EPHB2: variants seen among roughly 807,000 people sequenced by gnomAD.
The protein encoded by EPHB2 is EPH receptor B2.
A neutral mutation model predicts 96.4 loss-of-function variants in EPHB2; 18 were observed. The ratio of observed to expected loss-of-function variants is 0.19; its 90% CI spans 0.13 to 0.28. The LOEUF is 0.28. EPHB2 is among the 10% of genes least tolerant of loss of function. EPHB2 has a pLI of 1.00. For synonymous variants in EPHB2, 506 were observed against 534.1 expected (o/e 0.95, Z 0.72); for missense variants, 989 against 1,355.4 (o/e 0.73, Z 4.25).
Position 22,914,478 on chromosome 1 carries a change from C to G in EPHB2, c.*908C>G, listed in dbSNP as rs1640212373. On this transcript the variant is annotated 3_prime_UTR_variant, in exon 16 of 16. Transcript: ENST00000374630. The stretch of plus-strand genomic sequence containing the variant: ...GGGTTTGTTTACAGCAATTCCTGGA[C>G]TCGGGGGTATTTTGGTCACAGGGTG... 6.5e-6 allele frequency: 1 copy of G among 152,720 alleles called. No homozygotes were observed. Among genetic ancestry groups the G allele is most frequent in the Admixed American group, 6.5e-5 (1 of 15,274 alleles). The allele number at this position is 152,720 out of a possible 1,614,324, so 9.5% of individuals were successfully genotyped here.
intron 3 of EPHB2, among the ~76,000 whole-genome samples, chr1:22,853,450 G>A (rs914571209): frequency 6.6e-6 from 1 of 152,260 alleles, no homozygotes; most frequent in African/African-American, 2.4e-5. Context: ...AGGAGAGGCA[G>A]ACAGTCACCA....
chr1:22,835,100 C>T (rs1020044280), intron 3 of EPHB2, among the ~76,000 whole-genome samples: 3 of 152,088 alleles, frequency 2.0e-5, no homozygotes, highest in African/African-American at 2.4e-5. Flanking sequence ...ACCTATTGGC[C>T]GGGCACAGTG....
At position 22,775,810 on chromosome 1, in the gene EPHB2, GGGCTGGTGGCCCTA is replaced by G. The variant is rs768037915; in HGVS notation, c.62-5609_62-5596del. Among the ~76,000 whole-genome samples the G allele has an allele frequency of 1.1e-4, 17 of 152,312 alleles. No individual in the cohort carries two copies. The South Asian group carries it at 1.7e-3, about 15-fold the overall frequency. ...GTTTTCACACTGAGGAAGATGCTCT[GGGCTGGTGGCCCTA>G]GTTCCAGCTTTTGCCTGGATGCTAA... On this transcript the variant is annotated intron_variant, in intron 1 of 15. Transcript: ENST00000374630.
chr1:22,743,596 C>G (rs1643930383), intron 1 of EPHB2, among the ~76,000 whole-genome samples: 1 of 152,178 alleles, frequency 6.6e-6, no homozygotes, highest in Non-Finnish European at 1.5e-5. Context: ...TCAGCCTCCC[C>G]AAGTAGCTGG....
intron 1 of EPHB2, among the ~76,000 whole-genome samples, chr1:22,724,999 C>G (rs967172767): frequency 4.6e-5 from 7 of 152,062 alleles, no homozygotes; most frequent in Admixed American, 2.6e-4. Flanking sequence ...CTGTGTGAAA[C>G]CTGCTCTGAT....
At chr1:22,717,731 G>A (rs1465253647) in intron 1 of EPHB2, among the ~76,000 whole-genome samples, 2 of 152,132 alleles carry the variant, frequency 1.3e-5, no homozygotes, top group African/African-American at 4.8e-5. Flanking sequence ...TCGTGCCCCT[G>A]GCCAGAATGA....
intron 3 of EPHB2, among the ~76,000 whole-genome samples, chr1:22,820,520 G>A (rs896261408): frequency 4.6e-5 from 7 of 152,046 alleles, no homozygotes; most frequent in African/African-American, 7.2e-5. Flanking sequence ...AAAATTAGCC[G>A]GGTGTGGTGG....
chr1:22,797,495 C>T (rs929514664), intron 3 of EPHB2, among the ~76,000 whole-genome samples: 3 of 152,130 alleles, frequency 2.0e-5, no homozygotes, highest in Non-Finnish European at 4.4e-5. Context: ...TGGAGGGCCC[C>T]AGTGCTGTGT....
chr1:22,750,601 T>C (rs571220496), intron 1 of EPHB2, among the ~76,000 whole-genome samples: 8 of 152,368 alleles, frequency 5.3e-5, no homozygotes, highest in African/African-American at 1.9e-4. Context: ...AACACCTCTC[T>C]GACAGCCCCT....
intron 1 of EPHB2, among the ~76,000 whole-genome samples, chr1:22,755,723 A>C (rs567445831): frequency 3.3e-5 from 5 of 152,356 alleles, no homozygotes; most frequent in African/African-American, 1.2e-4. Context: ...GCCTATGTCA[A>C]AGGAACATTT....
At chr1:22,849,810 C>T (rs1055655806) in intron 3 of EPHB2, among the ~76,000 whole-genome samples, 1 of 152,236 alleles carries the variant, frequency 6.6e-6, no homozygotes, top group Admixed American at 6.5e-5. Context: ...GTCACTTTCT[C>T]CACTGGCCTG....
chr1:22,866,881 C>T (rs1195126097), intron 5 of EPHB2, among the ~76,000 whole-genome samples: 1 of 152,148 alleles, frequency 6.6e-6, no homozygotes, highest in East Asian at 1.9e-4. Context: ...TTGCAGTGAG[C>T]CGAGATCATG....
intron 5 of EPHB2, among the ~76,000 whole-genome samples, chr1:22,869,404 C>G (rs1050584820): frequency 6.6e-6 from 1 of 151,940 alleles, no homozygotes; most frequent in Non-Finnish European, 1.5e-5. Context: ...AGCCTACATA[C>G]AAGATGGCAT....
chr1:22,765,356 G>A (rs1018954699), intron 1 of EPHB2, among the ~76,000 whole-genome samples: 3 of 152,018 alleles, frequency 2.0e-5, no homozygotes, highest in African/African-American at 7.2e-5. Flanking sequence ...AGACCAGCCT[G>A]GCCAACATGG....
chr1:22,765,606 A>C (rs929946837), intron 1 of EPHB2, among the ~76,000 whole-genome samples: 2 of 149,878 alleles, frequency 1.3e-5, no homozygotes, highest in African/African-American at 2.5e-5. Context: ...CCTTTGCTGG[A>C]ACCCTGGGGC....
chr1:22,845,632 T>C (rs1645530535), intron 3 of EPHB2, among the ~76,000 whole-genome samples: 1 of 152,206 alleles, frequency 6.6e-6, no homozygotes, highest in Non-Finnish European at 1.5e-5. Context: ...TCCTCATTTT[T>C]ATAAGGGCTG....
intron 3 of EPHB2, among the ~76,000 whole-genome samples, chr1:22,812,599 G>T (rs1413998426): frequency 6.6e-6 from 1 of 152,208 alleles, no homozygotes; most frequent in Non-Finnish European, 1.5e-5. Flanking sequence ...GCAGCCAGAG[G>T]GAGAGGGACG....
At position 22,895,547 on chromosome 1, in the gene EPHB2, T is replaced by C; in HGVS notation, c.1667T>C (p.Ile556Thr). The change falls in exon 8 of 16, where the codon ATT (isoleucine) becomes ACT (threonine). Residue 556 changes from isoleucine to threonine, a missense_variant. Physicochemically the swap from Ile to Thr is moderately conservative, Grantham distance 89 (BLOSUM62 -1). Coordinates refer to ENST00000374630, the MANE Select transcript of EPHB2 (RefSeq NM_017449.5). ...TCGGCCGCTGGCCTGGTCTTCCTCATTGCTGTGGTTGTCATCGCCATCGTG... is the reference window on the plus strand; with the variant it reads ...TCGGCCGCTGGCCTGGTCTTCCTCACTGCTGTGGTTGTCATCGCCATCGTG... Reference protein sequence around the residue: ...GSSAAGLVFLIAVVVIAIVCN... With the variant: ...GSSAAGLVFLTAVVVIAIVCN... 6.2e-7 allele frequency: 1 copy of C among 1,614,252 alleles called. No individual in the cohort carries two copies.
At chr1:22,735,047 A>G (rs1643796348) in intron 1 of EPHB2, among the ~76,000 whole-genome samples, 1 of 152,182 alleles carries the variant, frequency 6.6e-6, no homozygotes, top group South Asian at 2.1e-4. Context: ...AAGGCTGCAC[A>G]GCAGGGCTAT....
Sources: gnomAD v4.1 joint callset for allele counts (sites outside exome capture counted in the v4.1 genomes callset) on GRCh38, gnomAD v4.1.1 for gene constraint, MANE v1.5 for transcripts, NCBI Gene and HGNC (gene_info 2026-07-23, HGNC 2026-07-21) for gene names.